Variants in CEP76 observed in about 807,000 individuals in gnomAD.
CEP76 encodes centrosomal protein of 76 kDa.
CEP76 carries 55 observed loss-of-function variants against 83.3 expected under a neutral mutation model. The observed-to-expected ratio is 0.66, with a 90% confidence interval of 0.53 to 0.83. The LOEUF is 0.83. Ranked by LOEUF, CEP76 falls within the 40% of genes least tolerant of loss-of-function variation. The pLI, the probability that CEP76 is intolerant of heterozygous loss-of-function variation, is 0.00. For synonymous variants in CEP76, 270 were observed against 274.5 expected, an observed-to-expected ratio of 0.98 and a Z score of 0.16; for missense variants, 694 against 799.5, an observed-to-expected ratio of 0.87 and a Z score of 1.59.
chr18:12,667,641 C>A (rs1425871850), downstream of CEP76, among the ~76,000 whole-genome samples: 3 of 149,188 alleles, frequency 2.0e-5, no homozygotes. Context: ...CGTGCCTGTA[C>A]TCCCAGCTAC....
At chr18:12,670,025 A>T (rs147480959), downstream of CEP76, among the ~76,000 whole-genome samples, 388 of 150,602 alleles carry the variant, frequency 2.6e-3, 1 homozygote, top group African/African-American at 9.1e-3. Context: ...AAAGAAAAAG[A>T]AAAATTATTA....
chr18:12,702,627 G>C lies in CEP76; in HGVS notation c.-79C>G. On this transcript the variant is annotated 5_prime_UTR_variant, in exon 1 of 12. Coordinates refer to ENST00000262127, the MANE Select transcript of CEP76 (RefSeq NM_024899.4). ...CGCGGCCCCGGCCGGGCCAGGGAGC[G>C]TTAGGAGCGACTGGAGCACAAAGCG... is the stretch of plus-strand genomic sequence containing the variant. 3 of 1,480,924 alleles carry C rather than the reference G, an allele frequency of 2.0e-6. No individual in the cohort carries two copies. Among genetic ancestry groups the C allele is most frequent in the Non-Finnish European group, 2.7e-6 (3 of 1,105,054 alleles). The allele number at this position is 1,480,924 out of a possible 1,614,324, so 91.7% of individuals were successfully genotyped here.
chr18:12,683,335 G>C (rs911037143), intron 8 of CEP76, among the ~76,000 whole-genome samples: 1 of 145,700 alleles, frequency 6.9e-6, no homozygotes, highest in Non-Finnish European at 1.5e-5. Context: ...CTGGGCGACA[G>C]AGCGAGACCC....
At chr18:12,695,852 CCACACACACACACACACACACA>C (rs375916938) in intron 5 of CEP76, among the ~76,000 whole-genome samples, 1 of 148,284 alleles carries the variant, frequency 6.7e-6, no homozygotes, top group Non-Finnish European at 1.5e-5. Flanking sequence ...CATTCCTTCT[CCACACACACACACACACACACA>C]CACACACACA....
At chr18:12,682,914 G>A (rs993007073) in intron 8 of CEP76, among the ~76,000 whole-genome samples, 8 of 152,000 alleles carry the variant, frequency 5.3e-5, no homozygotes, top group Non-Finnish European at 8.8e-5. Flanking sequence ...GAGCCACTGC[G>A]CCTGGCTTAA....
At chr18:12,684,486 T>G (rs1028085097) in intron 8 of CEP76, 4 of 53,456 alleles carry the variant, frequency 7.5e-5, no homozygotes, top group East Asian at 7.9e-4. Flanking sequence ...TAGTTTTTTG[T>G]TTTTTTTTTT....
chr18:12,697,355 T>G lies in CEP76; in HGVS notation c.574A>C (p.Ile192Leu). The change falls in exon 5 of 12, where the codon ATT becomes CTT. Residue 192 changes from isoleucine to leucine, a missense_variant. Ile to Leu is a conservative substitution (Grantham distance 5). Coordinates refer to ENST00000262127, the MANE Select transcript of CEP76 (RefSeq NM_024899.4). The stretch of plus-strand genomic sequence containing the variant: ...TCTGTTTTGATTAGCACCATATGAA[T>G]TGGATCACTTATTGATAACATTGTT... Reference protein sequence around the residue: ...STTMLSISDPIHMVLIKTDIF... With the variant: ...STTMLSISDPLHMVLIKTDIF... The G allele has an allele frequency of 6.2e-7, 1 of 1,613,744 alleles. No individual in the cohort carries two copies. Among genetic ancestry groups the G allele is most frequent in the Non-Finnish European group, 8.5e-7 (1 of 1,179,840 alleles).
At chr18:12,675,424 A>AT (rs1470156814) in intron 10 of CEP76, among the ~76,000 whole-genome samples, 1 of 152,034 alleles carries the variant, frequency 6.6e-6, no homozygotes, top group Non-Finnish European at 1.5e-5. Context: ...AAATAAATAA[A>AT]AAAGAGTTTA....
Position 12,678,124 on chromosome 18 carries a change from C to T in CEP76, c.1608G>A (p.Val536=). The T allele has an allele frequency of 6.2e-7, 1 of 1,611,688 alleles. No homozygotes were observed. The highest frequency in any genetic ancestry group is 8.5e-7 in the Non-Finnish European group (1 of 1,177,796). The change falls in exon 10 of 12, where the codon GTG becomes GTA. Residue 536 remains valine, a synonymous_variant. Coordinates refer to ENST00000262127, the MANE Select transcript of CEP76 (RefSeq NM_024899.4). ...NEIEMQLRLL[V]SEHRKDLGLT... Reference sequence around the variant, plus strand: ...TGTGAATTACCTTCCTGTGTTCTGACACCAGGAGCCTCAGCTGCATTTCAA... The same window carrying T: ...TGTGAATTACCTTCCTGTGTTCTGATACCAGGAGCCTCAGCTGCATTTCAA...
At chr18:12,689,605 AC>A (rs2039674098) in intron 7 of CEP76, among the ~76,000 whole-genome samples, 1 of 152,020 alleles carries the variant, frequency 6.6e-6, no homozygotes, top group South Asian at 2.1e-4. Context: ...AGAAAATCCC[AC>A]TTCCTTGACT....
At chr18:12,700,610 C>T (rs895885206) in intron 2 of CEP76, among the ~76,000 whole-genome samples, 18 of 151,954 alleles carry the variant, frequency 1.2e-4, no homozygotes, top group African/African-American at 3.6e-4. Flanking sequence ...TTTAAAAATA[C>T]GCTTAATCTA....
chr18:12,702,070 G>A (rs746204764), intron 1 of CEP76, among the ~76,000 whole-genome samples: 1 of 152,188 alleles, frequency 6.6e-6, no homozygotes, highest in Non-Finnish European at 1.5e-5. Context: ...AGGTTGCAGT[G>A]AGCCGAGATC....
chr18:12,680,816 C>T lies in CEP76; in HGVS notation c.1135G>A (p.Asp379Asn), dbSNP rs528700233. The T allele has an allele frequency of 2.5e-6, 4 of 1,609,388 alleles. No homozygotes were observed. The Admixed American group carries it at 5.1e-5, about 21-fold the overall frequency. The part of the protein sequence containing the change: ...FLCRNKGDCE[D>N]HANLLCSLLL... ...AGGCTGCACAGAAGGTTAGCGTGAT[C>T]TTCACAGTCACCCTGGAAGATAAAT... The change falls in exon 9 of 12, where the codon GAT (aspartate) becomes AAT (asparagine). Residue 379 changes from aspartate (D) to asparagine (N), a missense_variant. By Grantham distance (23) the Asp-to-Asn change is conservative. Transcript: ENST00000262127.
chr18:12,669,137 CAG>C (rs1199143111), downstream of CEP76, among the ~76,000 whole-genome samples: 2 of 129,222 alleles, frequency 1.5e-5, no homozygotes, highest in Admixed American at 8.8e-5. Context: ...TTTTTTGAGA[CAG>C]AGTTTCACTG....
chr18:12,678,378 G>C lies in CEP76; in HGVS notation c.1354C>G (p.Pro452Ala). The C allele has an allele frequency of 6.2e-7, 1 of 1,614,088 alleles. No homozygotes were observed. The highest frequency in any genetic ancestry group is 8.5e-7 in the Non-Finnish European group (1 of 1,180,022). The change falls in exon 10 of 12, where the codon CCA (proline) becomes GCA (alanine). Residue 452 changes from proline to alanine, a missense_variant. Transcript: ENST00000262127. ...AAAACACAACCAATTGTTCGATATG[G>C]GTACAGTGGTTTGGGCTGTTCAGCA... is the stretch of plus-strand genomic sequence containing the variant. ...PVAEQPKPLYPYRTIGCVFNH... is the reference protein window; with the variant it reads ...PVAEQPKPLYAYRTIGCVFNH...
intron 7 of CEP76, among the ~76,000 whole-genome samples, chr18:12,690,968 G>A (rs2039738832): frequency 6.6e-6 from 1 of 151,280 alleles, no homozygotes; most frequent in Non-Finnish European, 1.5e-5. Flanking sequence ...ACAAGAGCTG[G>A]ATTTACATAT....
intron 9 of CEP76, chr18:12,678,948 A>C (rs2039245672): frequency 6.6e-6 from 1 of 152,074 alleles, no homozygotes; most frequent in South Asian, 2.1e-4. Flanking sequence ...TCCAAGAAAA[A>C]AAAATAAAAA....
rs71174127 is a variant in CEP76 at position 12,677,458 on chromosome 18, CAAAAAAAAA to C, written c.1623+642_1623+650del. On this transcript the variant is annotated intron_variant, in intron 10 of 11. Transcript: ENST00000262127. The stretch of plus-strand genomic sequence containing the variant: ...GGTGACAGAGCGAGAGATTCCATCT[CAAAAAAAAA>C]AAAAAAAAAAAAAAAAAGAGGTTTG... Among the ~76,000 whole-genome samples the C allele has an allele frequency of 1.7e-3, 94 of 53,946 alleles. 1 individual carries two copies. Among genetic ancestry groups the C allele is most frequent in the African/African-American group, 4.0e-3 (48 of 12,120 alleles). The allele number at this position is 53,946 out of a possible 152,430, so 35.4% of individuals were successfully genotyped here. A position where few individuals can be genotyped will look rare whatever the true frequency, so the allele number is the denominator to read the frequency against.
rs188672491 is a variant in CEP76, at chr18:12,688,152, A to G, written c.934-1702T>C. ...AGGCTGAGGCAGGAGAATGGCATGA[A>G]TCTGGGAGGCGGAGCTTGCAGTGAG... On this transcript the variant is annotated intron_variant, in intron 7 of 11. Transcript: ENST00000262127. 2.8e-3 allele frequency among the ~76,000 whole-genome samples: 421 copies of G among 150,800 alleles called. 1 individual carries two copies. Among genetic ancestry groups the G allele is most frequent in the Non-Finnish European group, 3.8e-3 (260 of 67,744 alleles).
Sources: allele counts gnomAD v4.1 joint callset (sites outside exome capture counted in the v4.1 genomes callset), GRCh38; gene constraint gnomAD v4.1.1; transcripts MANE v1.5; gene names NCBI Gene and HGNC (gene_info 2026-07-23, HGNC 2026-07-21).